The following DNAI1 variants were observed in gnomAD, a reference collection of about 807,000 sequenced individuals.
DNAI1 encodes dynein axonemal intermediate chain 1, also known as dynein, axonemal, intermediate polypeptide 1.
In DNAI1, 67 loss-of-function variants were observed where a neutral mutation model predicts 92.0. The ratio of observed to expected loss-of-function variants is 0.73; its 90% CI spans 0.60 to 0.89. DNAI1 has a LOEUF of 0.89. Among genes scored for constraint, DNAI1 ranks in the 40% least tolerant of loss-of-function variants. The pLI is 0.00. For synonymous variants in DNAI1, 323 were observed against 319.6 expected, an observed-to-expected ratio of 1.01 and a Z score of -0.11; for missense variants, 839 against 866.6, an observed-to-expected ratio of 0.97 and a Z score of 0.40.
Position 34,490,143 on chromosome 9 carries a change from C to T in DNAI1, c.501+19C>T. On this transcript the variant is annotated intron_variant, in intron 6 of 19. Transcript: ENST00000242317. ...AGCTGGGGTACAGTATAATATCGCT[C>T]TGTGTCCCTCTTCTTCCAGCTCAAG... 1 of 1,613,598 alleles carries T rather than the reference C, an allele frequency of 6.2e-7. No homozygotes were observed. The highest frequency in any genetic ancestry group is 8.5e-7 in the Non-Finnish European group (1 of 1,179,762).
intron 1 of DNAI1, among the ~76,000 whole-genome samples, chr9:34,468,387 C>CA (rs1824078096): frequency 6.7e-6 from 1 of 149,394 alleles, no homozygotes; most frequent in African/African-American, 2.5e-5. Context: ...GACGGGGTTT[C>CA]ACCATGTTAG....
At chr9:34,506,217 G>T (rs1318873874) in intron 12 of DNAI1, among the ~76,000 whole-genome samples, 1 of 152,176 alleles carries the variant, frequency 6.6e-6, no homozygotes, top group East Asian at 1.9e-4. Context: ...ATTTAGCTGG[G>T]GGGAGGGGTA....
intron 9 of DNAI1, 128 bp from the exon 10 acceptor site, chr9:34,496,987 C>A: frequency 1.3e-6 from 1 of 781,272 alleles, no homozygotes; most frequent in Non-Finnish European, 2.3e-6. Context: ...GAAACCTTTA[C>A]AGAGCTATCT....
In DNAI1 at chr9:34,502,919, C is replaced by T. The variant is rs530633856; in HGVS notation, c.1063+1738C>T. Among the ~76,000 whole-genome samples, 6 of 152,230 alleles carry T rather than the reference C, an allele frequency of 3.9e-5. No individual in the cohort carries two copies. The South Asian group carries it at 6.2e-4, about 16-fold the overall frequency. On this transcript the variant is annotated intron_variant, in intron 12 of 19. Transcript: ENST00000242317. ...TCCATTCCAGGGCTATTGTGAGGTA[C>T]GCTTGAGAGAGAAGAAGTAAACATG...
chr9:34,474,735 A>AT (rs1326416323), intron 1 of DNAI1, among the ~76,000 whole-genome samples: 1 of 151,348 alleles, frequency 6.6e-6, no homozygotes, highest in African/African-American at 2.4e-5. Context: ...TGTCCGGCTA[A>AT]TTTTTGTATT....
intron 10 of DNAI1, among the ~76,000 whole-genome samples, chr9:34,499,946 G>A (rs1053107497): frequency 1.3e-5 from 2 of 152,222 alleles, no homozygotes; most frequent in African/African-American, 4.8e-5. Context: ...AACAAGGGTT[G>A]GAGAAGGAGT....
rs542049372 is a variant in DNAI1, at chr9:34,520,315, C to G, written c.2002-343C>G. ...GTAAGGATGGTGCCAGCAGTCAGCC[C>G]CCCGCCTTCGCAGAGCTGGATTTCC... On this transcript the variant is annotated intron_variant, in intron 19 of 19. Coordinates refer to ENST00000242317, the MANE Select transcript of DNAI1 (RefSeq NM_012144.4). 4.6e-5 allele frequency among the ~76,000 whole-genome samples: 7 copies of G among 152,156 alleles called. No individual in the cohort carries two copies. In the South Asian group the frequency reaches 1.5e-3, roughly 32 times the overall value.
chr9:34,506,505 C>A, intron 12 of DNAI1, 122 bp from the exon 13 acceptor site: 1 of 1,333,972 alleles, frequency 7.5e-7, no homozygotes, highest in Non-Finnish European at 1.1e-6. Context: ...GAGAGGAATC[C>A]CACACTCTGA....
chr9:34,502,750 C>T (rs1219563466), intron 12 of DNAI1, among the ~76,000 whole-genome samples: 1 of 152,096 alleles, frequency 6.6e-6, no homozygotes, highest in Non-Finnish European at 1.5e-5. Context: ...CTGTTAGCTA[C>T]ATCCACGTGC....
intron 10 of DNAI1, among the ~76,000 whole-genome samples, chr9:34,499,896 G>A (rs775796635): frequency 6.6e-5 from 10 of 152,104 alleles, no homozygotes; most frequent in Non-Finnish European, 1.0e-4. Flanking sequence ...AAGGGGTGTC[G>A]TGAGGTGCCT....
At chr9:34,480,897 G>A (rs1356578784) in intron 1 of DNAI1, among the ~76,000 whole-genome samples, 3 of 152,212 alleles carry the variant, frequency 2.0e-5, no homozygotes, top group African/African-American at 7.2e-5. Flanking sequence ...AGTGAGCTGA[G>A]ATGGTGCCAC....
At chr9:34,484,368 G>A (rs1300572780) in intron 2 of DNAI1, among the ~76,000 whole-genome samples, 1 of 152,096 alleles carries the variant, frequency 6.6e-6, no homozygotes, top group Non-Finnish European at 1.5e-5. Flanking sequence ...ACAGTTATTA[G>A]GCTTTGATAA....
In DNAI1 at chr9:34,514,709, T is replaced by C. The variant is rs749811393; in HGVS notation, c.1788T>C (p.Thr596=). ...GDVAWAPYSS[T]VFAAVTTDGK... ...TGGCCTGGGCGCCATACTCTTCTAC[T>C]GTGTTCGCAGCAGTCACCACAGATG... Residue 596 remains threonine (T), a synonymous_variant, in exon 18 of 20, where the codon ACT becomes ACC. Coordinates refer to ENST00000242317, the MANE Select transcript of DNAI1 (RefSeq NM_012144.4). The C allele has an allele frequency of 6.2e-7, 1 of 1,614,118 alleles. No homozygotes were observed. The highest frequency in any genetic ancestry group is 2.2e-5 in the East Asian group (1 of 44,888).
intron 1 of DNAI1, among the ~76,000 whole-genome samples, chr9:34,481,425 G>A (rs1270404287): frequency 2.6e-5 from 4 of 152,168 alleles, no homozygotes; most frequent in African/African-American, 7.2e-5. Context: ...CTCAGATATA[G>A]GACCTGTCTG....
At chr9:34,494,666 G>T (rs1824679590) in intron 9 of DNAI1, among the ~76,000 whole-genome samples, 1 of 152,196 alleles carries the variant, frequency 6.6e-6, no homozygotes, top group South Asian at 2.1e-4. Context: ...TCTAAGCCTT[G>T]CAGAGTTGGT....
intron 1 of DNAI1, among the ~76,000 whole-genome samples, chr9:34,482,423 T>C (rs1223757607): frequency 6.7e-6 from 1 of 148,764 alleles, no homozygotes; most frequent in African/African-American, 2.5e-5. Flanking sequence ...GAGTGTTGAT[T>C]GGTGCACTCA....
chr9:34,499,800 C>G (rs146366507), intron 10 of DNAI1, among the ~76,000 whole-genome samples: 11 of 152,250 alleles, frequency 7.2e-5, no homozygotes, highest in Non-Finnish European at 1.6e-4. Flanking sequence ...GGGACACGGA[C>G]AGCTGACTAG....
At chr9:34,489,568 G>A in intron 5 of DNAI1, 119 bp downstream of exon 5, 1 of 1,268,850 alleles carries the variant, frequency 7.9e-7, no homozygotes, top group Non-Finnish European at 1.1e-6. Context: ...ATAAACTCCA[G>A]GCCGGGCAGG....
intron 19 of DNAI1, 103 bp from the exon 20 acceptor site, chr9:34,520,555 G>A (rs1387621633): frequency 2.0e-6 from 2 of 1,018,852 alleles, no homozygotes; most frequent in East Asian, 2.6e-5. Context: ...GGGCAGGGGA[G>A]GGGTAGGGCA....
Sources: allele counts gnomAD v4.1 joint callset (sites outside exome capture counted in the v4.1 genomes callset), GRCh38; gene constraint gnomAD v4.1.1; transcripts MANE v1.5; gene names NCBI Gene and HGNC (gene_info 2026-07-23, HGNC 2026-07-21).